AIFM3: variants seen among roughly 807,000 people sequenced by gnomAD.
AIFM3 encodes AIF family member 3, also known as apoptosis-inducing factor 3.
AIFM3 carries 71 observed loss-of-function variants against 82.7 expected under a neutral mutation model. The ratio of observed to expected loss-of-function variants is 0.86; its 90% CI spans 0.71 to 1.05. The LOEUF is 1.05. Ranked by LOEUF, AIFM3 falls within the 50% of genes least tolerant of loss-of-function variation. The pLI is 0.00. For missense variants in AIFM3, 748 were observed against 816.7 expected (o/e 0.92, Z 1.03); for synonymous variants, 337 against 329.1 (o/e 1.02, Z -0.26).
Position 20,974,699 on chromosome 22 carries a change from C to G in AIFM3, c.608-5C>G, listed in dbSNP as rs1382026030. The G allele has an allele frequency of 1.2e-6, 2 of 1,614,048 alleles. No homozygotes were observed. The highest frequency in any genetic ancestry group is 1.7e-5 in the Admixed American group (1 of 60,020). On this transcript the variant is annotated splice_region_variant and splice_polypyrimidine_tract_variant and intron_variant, in intron 7 of 20. Transcript: ENST00000440238. ...GGTTCCTGGCCCACGGGCCCCTCCC[C>G]TCAGGTGCAGCTGGCCTGGTGTGTG...
At chr22:20,965,996 CT>C (rs1438425178), upstream of AIFM3, among the ~76,000 whole-genome samples, 1 of 152,178 alleles carries the variant, frequency 6.6e-6, no homozygotes, top group Non-Finnish European at 1.5e-5. Flanking sequence ...TGCCCTGCCC[CT>C]GGCAAGGACC....
chr22:20,974,823 G>C lies in AIFM3; in HGVS notation c.720+7G>C. On this transcript the variant is annotated splice_region_variant and intron_variant, in intron 8 of 20. Coordinates refer to ENST00000440238, the MANE Select transcript of AIFM3 (RefSeq NM_001386814.1). ...CCGTCCCAAGCTCAGCAAGGTACAG[G>C]GGGTGGGGCAAGTAGGGACCCTATC... The C allele has an allele frequency of 1.2e-6, 2 of 1,611,864 alleles. No individual in the cohort carries two copies. The highest frequency in any genetic ancestry group is 1.7e-6 in the Non-Finnish European group (2 of 1,179,678).
rs567313260 is a variant in AIFM3 at position 20,972,119 on chromosome 22, A to G, written c.32-1188A>G. 4.6e-5 allele frequency among the ~76,000 whole-genome samples: 7 copies of G among 152,364 alleles called. No individual in the cohort carries two copies. The East Asian group carries it at 1.2e-3, about 25-fold the overall frequency. On this transcript the variant is annotated intron_variant, in intron 2 of 20. Coordinates refer to ENST00000440238, the MANE Select transcript of AIFM3 (RefSeq NM_001386814.1). ...AGAAGAGCTATTTTGAGAAGTTGAA[A>G]TCGGGCCGGGAGTGGTGGCCCACGC...
intron 19 of AIFM3, 43 bp downstream of exon 19, chr22:20,980,167 TG>T (rs774709146): frequency 6.4e-7 from 1 of 1,573,996 alleles, no homozygotes; most frequent in East Asian, 2.2e-5. Flanking sequence ...AGTAGTTCCC[TG>T]GAGTACTGGC....
intron 16 of AIFM3, 95 bp from the exon 17 acceptor site, chr22:20,979,176 G>A (rs1923896114): frequency 1.6e-6 from 2 of 1,242,296 alleles, no homozygotes; most frequent in Non-Finnish European, 2.3e-6. Context: ...AGGAGGAGTA[G>A]CCACACGTGT....
Position 20,974,607 on chromosome 22 carries a change from T to A in AIFM3, c.593T>A (p.Leu198His), listed in dbSNP as rs1488971489. ...GGGTACAGCAGTAGCACCAATGTGC[T>A]CATTGTGGGTGCAGGTTGGTAGTGG... ...SAGYSSSTNV[L>H]IVGAGAAGLV... is the part of the protein sequence containing the mutation. Residue 198 changes from leucine (L) to histidine (H), a missense_variant, in exon 7 of 21, where the codon CTC becomes CAC. This residue lies in a region of AIFM3 where 393 missense variants were observed against 481.1 expected (regional missense o/e 0.82). Coordinates refer to ENST00000440238, the MANE Select transcript of AIFM3 (RefSeq NM_001386814.1). The A allele has an allele frequency of 2.5e-6, 4 of 1,613,704 alleles. No homozygotes were observed. In the East Asian group the frequency reaches 8.9e-5, roughly 36 times the overall value.
At chr22:20,969,958 C>T (rs991879134) in intron 2 of AIFM3, among the ~76,000 whole-genome samples, 3 of 152,294 alleles carry the variant, frequency 2.0e-5, no homozygotes, top group Admixed American at 6.5e-5. Flanking sequence ...TCTGTGGCTC[C>T]GTGTGCATCA....
intron 2 of AIFM3, among the ~76,000 whole-genome samples, chr22:20,972,880 A>G (rs762765314): frequency 3.3e-5 from 5 of 152,036 alleles, no homozygotes; most frequent in Non-Finnish European, 7.4e-5. Context: ...CCCTGTCTCT[A>G]CCAACCCTGT....
At position 20,980,976 on chromosome 22, in the gene AIFM3, C is replaced by T. The variant is rs1946232615; in HGVS notation, c.1779-16C>T. 1 of 1,614,190 alleles carries T rather than the reference C, an allele frequency of 6.2e-7. No individual in the cohort carries two copies. The highest frequency in any genetic ancestry group is 8.5e-7 in the Non-Finnish European group (1 of 1,180,010). ...GTTTTCTTCTGTCTTGACCCCTCCT[C>T]CCCTCACTCCTGCAGGACTGGCGAC... On this transcript the variant is annotated splice_polypyrimidine_tract_variant and intron_variant, in intron 20 of 20. Coordinates refer to ENST00000440238, the MANE Select transcript of AIFM3 (RefSeq NM_001386814.1).
At position 20,981,265 on chromosome 22, in the gene AIFM3, C is replaced by T. The variant is rs1924100803; in HGVS notation, c.*234C>T. ...CAGCTGGCACTGGAGGCAGGACAAGCCCTGCCTCTTCTCCCTCTATTGGGA... is the reference window on the plus strand; with the variant it reads ...CAGCTGGCACTGGAGGCAGGACAAGTCCTGCCTCTTCTCCCTCTATTGGGA... On this transcript the variant is annotated 3_prime_UTR_variant, in exon 21 of 21. Coordinates refer to ENST00000440238, the MANE Select transcript of AIFM3 (RefSeq NM_001386814.1). The T allele has an allele frequency of 5.1e-6, 3 of 583,470 alleles. No individual in the cohort carries two copies. The highest frequency in any genetic ancestry group is 9.2e-6 in the Non-Finnish European group (3 of 327,008). The allele number at this position is 583,470 out of a possible 1,614,324, so 36.1% of individuals were successfully genotyped here. A position where few individuals can be genotyped will look rare whatever the true frequency, so the allele number is the denominator to read the frequency against.
In AIFM3 at chr22:20,977,448, T is replaced by C. The variant is rs1028926955; in HGVS notation, c.1283-252T>C. 3 of 604,766 alleles carry C rather than the reference T, an allele frequency of 5.0e-6. No homozygotes were observed. The African/African-American group carries it at 5.6e-5, about 11-fold the overall frequency. 37.5% of individuals were successfully genotyped at this position (604,766 alleles called of 1,614,324 possible). A position where few individuals can be genotyped will look rare whatever the true frequency, so the allele number is the denominator to read the frequency against. On this transcript the variant is annotated intron_variant, in intron 14 of 20. Transcript: ENST00000440238. Reference sequence around the variant, plus strand: ...GTAGCACCTGCAGGGGCTGAGGAGGTATGGCATGCTGTCCCTCCACTTAAG... The same window carrying C: ...GTAGCACCTGCAGGGGCTGAGGAGGCATGGCATGCTGTCCCTCCACTTAAG...
At chr22:20,966,033 C>T (rs5761567), upstream of AIFM3, among the ~76,000 whole-genome samples, 97,465 of 152,032 alleles carry the variant, frequency 0.64, 31,803 homozygotes, top group African/African-American at 0.75. Context: ...GGTGACTGGG[C>T]TCCAAGCCGA....
Position 20,973,761 on chromosome 22 carries a change from G to C in AIFM3, c.249G>C (p.Met83Ile). Residue 83 changes from methionine to isoleucine, a missense_variant, in exon 4 of 21, where the codon ATG becomes ATC. Met to Ile is a conservative substitution (Grantham distance 10). Around this residue, in one of 5 missense-constraint regions of AIFM3, gnomAD observed 148 missense variants for 134.1 expected, o/e 1.10. Coordinates refer to ENST00000440238, the MANE Select transcript of AIFM3 (RefSeq NM_001386814.1). ...CHVKDLENGQ[M>I]REVELGWGKV... ...TCTGAGTGCTGCGGTTCCCCAGGAT[G>C]CGGGAAGTGGAGCTGGGCTGGGGGA... The C allele has an allele frequency of 1.3e-6, 2 of 1,556,830 alleles. No individual in the cohort carries two copies. The highest frequency in any genetic ancestry group is 1.7e-6 in the Non-Finnish European group (2 of 1,151,154).
rs1923410701 is a variant in AIFM3 at position 20,973,504 on chromosome 22, G to A, written c.229G>A (p.Asp77Asn). ...CVEAAVCHVK[D>N]LENGQMREVE... is the part of the protein sequence containing the mutation. ...GGAGGCTGCTGTCTGCCACGTCAAG[G>A]ACCTCGAGAATGGCCAGTGGGTTCT... Residue 77 changes from aspartate (D) to asparagine (N), a missense_variant, in exon 3 of 21, where the codon GAC (aspartate) becomes AAC (asparagine). Asp to Asn is a conservative substitution (Grantham distance 23). Transcript: ENST00000440238. The A allele has an allele frequency of 6.2e-7, 1 of 1,612,248 alleles. No homozygotes were observed. Among genetic ancestry groups the A allele is most frequent in the African/African-American group, 1.3e-5 (1 of 74,912 alleles).
At chr22:20,965,727 G>A (rs117956531), upstream of AIFM3, among the ~76,000 whole-genome samples, 950 of 151,964 alleles carry the variant, frequency 6.3e-3, 16 homozygotes, top group East Asian at 0.063. Context: ...GGCAGGTGGC[G>A]AGAGGTGGAG....
chr22:20,976,183 C>T (rs1262954651), intron 9 of AIFM3, 32 bp from the exon 10 acceptor site: 2 of 1,604,334 alleles, frequency 1.2e-6, no homozygotes, highest in East Asian at 2.2e-5. Flanking sequence ...GCCCCATGCC[C>T]AAGCTCATGC....
At position 20,974,054 on chromosome 22, in the gene AIFM3, C is replaced by G; in HGVS notation, c.356-9C>G. Reference sequence around the variant, plus strand: ...CTGGTGGGCGCAGCCTAACACCTCCCCTTCCCAGGCGTTCTGTCCCGTGGT... The same window carrying G: ...CTGGTGGGCGCAGCCTAACACCTCCGCTTCCCAGGCGTTCTGTCCCGTGGT... On this transcript the variant is annotated splice_polypyrimidine_tract_variant and intron_variant, in intron 4 of 20. Transcript: ENST00000440238. 6.2e-7 allele frequency: 1 copy of G among 1,600,114 alleles called. No individual in the cohort carries two copies. The highest frequency in any genetic ancestry group is 8.5e-7 in the Non-Finnish European group (1 of 1,175,802).
chr22:20,976,257 G>A lies in AIFM3; in HGVS notation c.850G>A (p.Asp284Asn), dbSNP rs781123102. 1 of 1,614,072 alleles carries A rather than the reference G, an allele frequency of 6.2e-7. No individual in the cohort carries two copies. The highest frequency in any genetic ancestry group is 8.5e-7 in the Non-Finnish European group (1 of 1,180,016). ...DVRTKKVVFK[D>N]GFKLEYSKLL... ...GAGAACTAAGAAGGTCGTGTTCAAG[G>A]ATGGCTTCAAGCTGGAGTACAGCAA... Residue 284 changes from aspartate (D) to asparagine (N), a missense_variant, in exon 10 of 21, where the codon GAT becomes AAT. This residue lies in a region of AIFM3 where 393 missense variants were observed against 481.1 expected (regional missense o/e 0.82). Coordinates refer to ENST00000440238, the MANE Select transcript of AIFM3 (RefSeq NM_001386814.1).
chr22:20,974,470 AG>A (rs1923496148), intron 6 of AIFM3, 54 bp from the exon 7 acceptor site: 23 of 1,581,898 alleles, frequency 1.5e-5, no homozygotes, highest in Non-Finnish European at 2.0e-5. Context: ...CCTGCCTGCC[AG>A]GATGATGGCA....
Sources: allele counts gnomAD v4.1 joint callset (sites outside exome capture counted in the v4.1 genomes callset), GRCh38; gene constraint gnomAD v4.1.1; regional missense constraint gnomAD v4.1.1; transcripts MANE v1.5; gene names NCBI Gene and HGNC (gene_info 2026-07-23, HGNC 2026-07-21).